The following CSMD1 variants were observed in gnomAD, a reference collection of about 807,000 sequenced individuals.
The protein encoded by CSMD1 is CUB and sushi domain-containing protein 1.
CSMD1 carries 213 observed loss-of-function variants against 417.5 expected under a neutral mutation model. That is an observed-to-expected ratio of 0.51 (90% CI 0.46 to 0.57). The LOEUF is 0.57. Among genes scored for constraint, CSMD1 ranks in the 20% least tolerant of loss-of-function variants. The pLI is 0.00. For synonymous variants in CSMD1, 2,862 were observed against 1,736.8 expected (o/e 1.65, Z -16.11); for missense variants, 6,923 against 4,529.7 (o/e 1.53, Z -15.17).
chr8:4,584,483 T>A (rs1311569445), intron 2 of CSMD1, among the ~76,000 whole-genome samples: 1 of 151,920 alleles, frequency 6.6e-6, no homozygotes, highest in African/African-American at 2.4e-5. Flanking sequence ...GAAACGGGTG[T>A]CAGGCTTTCT....
At chr8:3,223,562 T>A (rs1165366393) in intron 28 of CSMD1, among the ~76,000 whole-genome samples, 167 bp downstream of exon 28, 1 of 152,222 alleles carries the variant, frequency 6.6e-6, no homozygotes. Flanking sequence ...AGCAAAATAC[T>A]GTATTTCCAT....
chr8:4,140,777 C>A (rs1027205938), intron 3 of CSMD1, among the ~76,000 whole-genome samples: 2 of 151,022 alleles, frequency 1.3e-5, no homozygotes, highest in East Asian at 3.9e-4. Context: ...GCTTTGCTCT[C>A]CCCTAGGGTG....
At chr8:3,082,741 A>G (rs933914139) in intron 49 of CSMD1, among the ~76,000 whole-genome samples, 1 of 152,218 alleles carries the variant, frequency 6.6e-6, no homozygotes, top group Admixed American at 6.5e-5. Context: ...CTTGAATACA[A>G]AAAGAAACAT....
chr8:3,784,283 C>A (rs1297738771), intron 5 of CSMD1, among the ~76,000 whole-genome samples: 17 of 152,078 alleles, frequency 1.1e-4, no homozygotes, highest in Admixed American at 1.1e-3. Context: ...TACTAAATTT[C>A]TCAGATAAAT....
intron 3 of CSMD1, among the ~76,000 whole-genome samples, chr8:4,107,209 C>G (rs1460585756): frequency 1.3e-5 from 2 of 152,204 alleles, no homozygotes; most frequent in African/African-American, 2.4e-5. Flanking sequence ...ACTTGCACTA[C>G]TACAGAGCTA....
intron 25 of CSMD1, among the ~76,000 whole-genome samples, chr8:3,287,005 G>T (rs987025121): frequency 1.3e-5 from 2 of 152,002 alleles, no homozygotes; most frequent in African/African-American, 4.8e-5. Context: ...TTTGTATAAG[G>T]TGTAAGGAAG....
Position 3,502,833 on chromosome 8 carries a change from G to A in CSMD1, c.1345-9107C>T, listed in dbSNP as rs144621083. Among the ~76,000 whole-genome samples, 6 of 152,282 alleles carry A rather than the reference G, an allele frequency of 3.9e-5. No individual in the cohort carries two copies. The East Asian group carries it at 9.7e-4, about 25-fold the overall frequency. On this transcript the variant is annotated intron_variant, in intron 10 of 69. Transcript: ENST00000635120. ...ATCCACAGAGTAAATAGCAGCCGGAGTGAGCCCTAACGTGCACTATGGACT... is the reference window on the plus strand; with the variant it reads ...ATCCACAGAGTAAATAGCAGCCGGAATGAGCCCTAACGTGCACTATGGACT...
intron 1 of CSMD1, among the ~76,000 whole-genome samples, chr8:4,972,391 G>A (rs1246074455): frequency 6.6e-6 from 1 of 152,124 alleles, no homozygotes; most frequent in East Asian, 1.9e-4. Flanking sequence ...CCCCCATGCT[G>A]TTCTCATGAT....
At chr8:4,044,050 G>A in intron 3 of CSMD1, among the ~76,000 whole-genome samples, 1 of 151,958 alleles carries the variant, frequency 6.6e-6, no homozygotes, top group Non-Finnish European at 1.5e-5. Context: ...GAATAATTAG[G>A]AGACTGGGGT....
intron 4 of CSMD1, among the ~76,000 whole-genome samples, chr8:4,010,190 G>A (rs772115093): frequency 6.6e-6 from 1 of 151,986 alleles, no homozygotes; most frequent in Non-Finnish European, 1.5e-5. Context: ...ACGTACACTG[G>A]TCCTGCTGGC....
At chr8:4,482,850 G>T (rs1285876719) in intron 2 of CSMD1, among the ~76,000 whole-genome samples, 2 of 151,988 alleles carry the variant, frequency 1.3e-5, no homozygotes, top group African/African-American at 2.4e-5. Context: ...CTCTTAATTT[G>T]CTATTTATGT....
intron 26 of CSMD1, 138 bp downstream of exon 26, chr8:3,284,006 G>C: frequency 1.3e-6 from 1 of 765,066 alleles, no homozygotes; most frequent in East Asian, 2.7e-5. Context: ...TCTGCAACAT[G>C]CATTTTCCTA....
intron 10 of CSMD1, among the ~76,000 whole-genome samples, chr8:3,503,116 C>G (rs1424780199): frequency 1.3e-5 from 2 of 152,082 alleles, no homozygotes; most frequent in African/African-American, 2.4e-5. Context: ...GCAACACATA[C>G]CAATAGCCCA....
At chr8:4,227,833 T>A (rs527861165) in intron 3 of CSMD1, among the ~76,000 whole-genome samples, 15 of 140,790 alleles carry the variant, frequency 1.1e-4, no homozygotes, top group Admixed American at 2.8e-4. Flanking sequence ...ATACTCTCCA[T>A]CCTGCATTAA....
chr8:4,769,282 T>C (rs1436312528), intron 1 of CSMD1, among the ~76,000 whole-genome samples: 1 of 152,208 alleles, frequency 6.6e-6, no homozygotes, highest in African/African-American at 2.4e-5. Flanking sequence ...TGCCTGAAAG[T>C]ACACCTGAAG....
intron 55 of CSMD1, among the ~76,000 whole-genome samples, chr8:2,976,245 T>C (rs1419548508): frequency 1.3e-5 from 2 of 151,992 alleles, no homozygotes. Flanking sequence ...ACTGCAACAC[T>C]AACCCATTCT....
In CSMD1 at chr8:2,963,520, AT is replaced by A. The variant is rs534427545; in HGVS notation, c.9281-126del. 6,222 of 919,386 alleles carry A rather than the reference AT, an allele frequency of 6.8e-3. 26 individuals are homozygous for A. The highest frequency in any genetic ancestry group is 8.2e-3 in the Non-Finnish European group (4,978 of 605,960). 57.0% of individuals were successfully genotyped at this position (919,386 alleles called of 1,614,324 possible). A position where few individuals can be genotyped will look rare whatever the true frequency, so the allele number is the denominator to read the frequency against. The stretch of plus-strand genomic sequence containing the variant: ...CATCTACATAGGTTTTTAAAAAAAA[AT>A]AATAAAAGAATTGCCAAGGAAGACA... On this transcript the variant is annotated intron_variant, in intron 59 of 69. Transcript: ENST00000635120.
At chr8:3,390,656 CT>C (rs142121124) in intron 17 of CSMD1, among the ~76,000 whole-genome samples, 8,652 of 147,378 alleles carry the variant, frequency 0.059, 626 homozygotes, top group South Asian at 0.19. Flanking sequence ...ACAAACATTA[CT>C]TTTTTTTTTT....
intron 36 of CSMD1, among the ~76,000 whole-genome samples, chr8:3,182,096 T>G (rs1323290557): frequency 6.6e-6 from 1 of 151,994 alleles, no homozygotes; most frequent in African/African-American, 2.4e-5. Flanking sequence ...GTAGATAAAT[T>G]ATTCAAGTAC....
Sources: gnomAD v4.1 joint callset for allele counts (sites outside exome capture counted in the v4.1 genomes callset) on GRCh38, gnomAD v4.1.1 for gene constraint, MANE v1.5 for transcripts, NCBI Gene and HGNC (gene_info 2026-07-23, HGNC 2026-07-21) for gene names.